The following DEUP1 variants were observed in gnomAD, a reference collection of about 807,000 sequenced individuals.
DEUP1 encodes the protein coiled-coil domain containing 67.
In DEUP1, 82 loss-of-function variants were observed where a neutral mutation model predicts 87.4. That is an observed-to-expected ratio of 0.94 (90% CI 0.78 to 1.13). DEUP1 has a LOEUF of 1.13. Ranked by LOEUF, DEUP1 falls within the 50% of genes most tolerant of loss-of-function variation. The probability of loss-of-function intolerance (pLI) is 0.00; values close to 1 mark genes in which losing one functional copy is unlikely to be tolerated. For missense variants in DEUP1, 663 were observed against 681.5 expected, an observed-to-expected ratio of 0.97 and a Z score of 0.30; for synonymous variants, 214 against 222.7, an observed-to-expected ratio of 0.96 and a Z score of 0.35.
intron 12 of DEUP1, among the ~76,000 whole-genome samples, chr11:93,414,669 CTT>C (rs1291296502): frequency 6.6e-6 from 1 of 152,110 alleles, no homozygotes; most frequent in Non-Finnish European, 1.5e-5. Context: ...TGTTTGGAGA[CTT>C]TTCTCAAACT....
intron 12 of DEUP1, chr11:93,411,314 T>C (rs1200990290): frequency 6.6e-6 from 1 of 152,214 alleles, no homozygotes; most frequent in Non-Finnish European, 1.5e-5. Flanking sequence ...GTTAAAGTAT[T>C]TGAGGAAGGA....
chr11:93,330,133 G>A (rs1164441604), upstream of DEUP1: 1 of 152,266 alleles, frequency 6.6e-6, no homozygotes, highest in African/African-American at 2.4e-5. Context: ...ACCAGGGGCT[G>A]AGCGGTGAAA....
chr11:93,394,491 C>T lies in DEUP1; in HGVS notation c.1074C>T (p.Tyr358=). ...GCCAACTCCAACAGGTGGAAGAGTACCATAACTCTGAGCAGGAAAGAATGA... is the reference window on the plus strand; with the variant it reads ...GCCAACTCCAACAGGTGGAAGAGTATCATAACTCTGAGCAGGAAAGAATGA... ...IRSQLQQVEE[Y]HNSEQERMRN... is the part of the protein sequence containing the mutation. Residue 358 remains tyrosine (Y), a synonymous_variant, in exon 10 of 14, where the codon TAC becomes TAT. Transcript: ENST00000298050. 6.3e-7 allele frequency: 1 copy of T among 1,598,374 alleles called. No homozygotes were observed. Among genetic ancestry groups the T allele is most frequent in the Non-Finnish European group, 8.5e-7 (1 of 1,172,832 alleles).
intron 6 of DEUP1, among the ~76,000 whole-genome samples, 191 bp downstream of exon 6, chr11:93,370,377 A>T (rs1945657453): frequency 6.6e-6 from 1 of 152,234 alleles, no homozygotes. Context: ...GTCTCAAAGG[A>T]TGGAGCTATT....
chr11:93,432,413 A>G (rs2134509604), intron 13 of DEUP1, among the ~76,000 whole-genome samples: 1 of 152,334 alleles, frequency 6.6e-6, no homozygotes, highest in South Asian at 2.1e-4. Flanking sequence ...AATGAGTAAG[A>G]AAGTGAACAT....
At chr11:93,410,582 T>C (rs1016318260) in intron 12 of DEUP1, among the ~76,000 whole-genome samples, 4 of 152,220 alleles carry the variant, frequency 2.6e-5, no homozygotes, top group African/African-American at 9.6e-5. Flanking sequence ...AAGGGTCACC[T>C]GCGTATGTTA....
At chr11:93,434,598 A>G (rs1459126129) in intron 13 of DEUP1, among the ~76,000 whole-genome samples, 1 of 152,178 alleles carries the variant, frequency 6.6e-6, no homozygotes, top group Non-Finnish European at 1.5e-5. Context: ...GCCCAAAGTG[A>G]CCACATGGGA....
chr11:93,342,875 AATCTAGGATC>A (rs1944149028), intron 2 of DEUP1, among the ~76,000 whole-genome samples: 1 of 152,184 alleles, frequency 6.6e-6, no homozygotes, highest in African/African-American at 2.4e-5. Flanking sequence ...GGGAAACACA[AATCTAGGATC>A]ATGAGGGGTT....
At chr11:93,427,636 A>C (rs750355690) in intron 13 of DEUP1, among the ~76,000 whole-genome samples, 80 of 151,170 alleles carry the variant, frequency 5.3e-4, no homozygotes, top group South Asian at 8.4e-4. Flanking sequence ...GGATCTAATT[A>C]AACTAAAGAG....
chr11:93,357,148 G>C, intron 4 of DEUP1, 105 bp downstream of exon 4: 1 of 677,844 alleles, frequency 1.5e-6, no homozygotes, highest in Non-Finnish European at 2.5e-6. Context: ...CAAATGTCTT[G>C]TATTTTAATT....
At chr11:93,429,387 A>G (rs1948034326) in intron 13 of DEUP1, among the ~76,000 whole-genome samples, 1 of 152,214 alleles carries the variant, frequency 6.6e-6, no homozygotes, top group African/African-American at 2.4e-5. Flanking sequence ...TTCTGCATCA[A>G]TAAAACTTTG....
intron 3 of DEUP1, 134 bp downstream of exon 3, chr11:93,355,676 G>A (rs1424335718): frequency 5.4e-6 from 4 of 738,210 alleles, no homozygotes; most frequent in Middle Eastern, 3.0e-4. Flanking sequence ...AATTCTGTCA[G>A]CAAATTATAG....
chr11:93,409,571 T>A (rs986039951), intron 12 of DEUP1, among the ~76,000 whole-genome samples: 15 of 152,208 alleles, frequency 9.9e-5, no homozygotes, highest in Non-Finnish European at 2.9e-5. Context: ...CAATTTATTA[T>A]TTCATTTCAT....
intron 13 of DEUP1, among the ~76,000 whole-genome samples, chr11:93,431,021 G>A (rs551952897): frequency 1.1e-4 from 16 of 150,716 alleles, no homozygotes; most frequent in Admixed American, 7.3e-4. Flanking sequence ...GCTTGAACCC[G>A]GGAAGCAGAG....
chr11:93,380,163 G>C (rs940407456), intron 7 of DEUP1, among the ~76,000 whole-genome samples: 6 of 152,146 alleles, frequency 3.9e-5, no homozygotes, highest in African/African-American at 1.4e-4. Context: ...CCCTACAACA[G>C]AGAATTGCCC....
intron 5 of DEUP1, among the ~76,000 whole-genome samples, chr11:93,366,133 C>T (rs903612145): frequency 9.2e-5 from 14 of 152,150 alleles, no homozygotes; most frequent in African/African-American, 2.9e-4. Context: ...TGAAAACACA[C>T]GAGGTCTAGA....
chr11:93,412,046 C>G (rs1306390333), intron 12 of DEUP1, among the ~76,000 whole-genome samples: 1 of 152,086 alleles, frequency 6.6e-6, no homozygotes, highest in Non-Finnish European at 1.5e-5. Context: ...ATGAGCAGTT[C>G]ATGGAATAGG....
At chr11:93,334,813 T>C (rs558083248) in intron 2 of DEUP1, among the ~76,000 whole-genome samples, 1 of 151,612 alleles carries the variant, frequency 6.6e-6, no homozygotes, top group Admixed American at 6.6e-5. Flanking sequence ...ATTTTATGTT[T>C]GTTCTTTTTG....
At chr11:93,354,268 C>G (rs749103827) in intron 2 of DEUP1, among the ~76,000 whole-genome samples, 1 of 152,150 alleles carries the variant, frequency 6.6e-6, no homozygotes, top group Non-Finnish European at 1.5e-5. Flanking sequence ...CAGTTCCCAA[C>G]AAGTTCCTCA....
Sources: gnomAD v4.1 joint callset for allele counts (sites outside exome capture counted in the v4.1 genomes callset) on GRCh38, gnomAD v4.1.1 for gene constraint, MANE v1.5 for transcripts, NCBI Gene and HGNC (gene_info 2026-07-23, HGNC 2026-07-21) for gene names.